The following CREB5 variants were observed in gnomAD, a reference collection of about 807,000 sequenced individuals.
CREB5 encodes the protein cyclic AMP-responsive element-binding protein 5.
CREB5 carries 19 observed loss-of-function variants against 57.1 expected under a neutral mutation model. That is an observed-to-expected ratio of 0.33 (90% CI 0.23 to 0.49). The LOEUF is 0.49. Ranked by LOEUF, CREB5 falls within the 20% of genes least tolerant of loss-of-function variation. The pLI is 0.99. For missense variants in CREB5, 579 were observed against 671.6 expected (o/e 0.86, Z 1.52); for synonymous variants, 238 against 238.3 (o/e 1.00, Z 0.01).
chr7:28,791,657 T>C (rs1371824245), intron 7 of CREB5, among the ~76,000 whole-genome samples: 1 of 152,232 alleles, frequency 6.6e-6, no homozygotes. Context: ...TGGTGAGCAG[T>C]TGCTTAAAAG....
intron 5 of CREB5, among the ~76,000 whole-genome samples, chr7:28,603,048 C>T (rs112360489): frequency 2.3e-4 from 35 of 152,266 alleles, no homozygotes; most frequent in Non-Finnish European, 4.3e-4. Context: ...TAAAAAGTTA[C>T]AAGAATTAAG....
intron 5 of CREB5, among the ~76,000 whole-genome samples, chr7:28,717,788 GTTTGT>G (rs534165718): frequency 6.6e-6 from 1 of 152,196 alleles, no homozygotes; most frequent in East Asian, 1.9e-4. Flanking sequence ...GTTTTTGTTT[GTTTGT>G]TTTGTTTTGT....
intron 7 of CREB5, among the ~76,000 whole-genome samples, chr7:28,761,049 C>T (rs1212094788): frequency 1.3e-5 from 2 of 152,102 alleles, no homozygotes; most frequent in African/African-American, 2.4e-5. Context: ...GCGCTTCCTC[C>T]GGCTATCCAC....
intron 4 of CREB5, among the ~76,000 whole-genome samples, chr7:28,526,753 C>T (rs1793465069): frequency 6.6e-6 from 1 of 152,208 alleles, no homozygotes; most frequent in African/African-American, 2.4e-5. Flanking sequence ...AAAAGAGGTG[C>T]TGCCTGCCTG....
At chr7:28,727,279 G>A (rs1285569555) in intron 7 of CREB5, among the ~76,000 whole-genome samples, 1 of 151,974 alleles carries the variant, frequency 6.6e-6, no homozygotes, top group East Asian at 1.9e-4. Context: ...TTCCTTTTGG[G>A]GGTCAGAGCA....
intron 1 of CREB5, among the ~76,000 whole-genome samples, chr7:28,352,361 C>T (rs144781039): frequency 0.018 from 2,740 of 152,266 alleles, 38 homozygotes; most frequent in Non-Finnish European, 0.028. Context: ...TCCTGCACTG[C>T]GCACCTCTGC....
At chr7:28,747,308 T>C (rs909414299) in intron 7 of CREB5, among the ~76,000 whole-genome samples, 1 of 152,208 alleles carries the variant, frequency 6.6e-6, no homozygotes, top group Admixed American at 6.5e-5. Context: ...TTAAATCTTC[T>C]CAGCATCATC....
chr7:28,491,307 G>T lies in CREB5; in HGVS notation c.75+3061G>T, dbSNP rs1292590478. On this transcript the variant is annotated intron_variant, in intron 2 of 10. Coordinates refer to ENST00000357727, the MANE Select transcript of CREB5 (RefSeq NM_182898.4). ...ACGGCTAATCCCCAGAAGATAAAGG[G>T]TGTAGACAAACCTGGGGAGGAGTGG... is the stretch of plus-strand genomic sequence containing the variant. The T allele has an allele frequency of 1.2e-5, 12 of 964,048 alleles. 1 individual carries two copies. The Admixed American group carries it at 6.8e-4, about 54-fold the overall frequency. The allele number at this position is 964,048 out of a possible 1,614,324, so 59.7% of individuals were successfully genotyped here.
chr7:28,311,414 C>T (rs1785274054), intron 1 of CREB5, among the ~76,000 whole-genome samples: 1 of 152,174 alleles, frequency 6.6e-6, no homozygotes, highest in South Asian at 2.1e-4. Context: ...CAGTTAAAAC[C>T]CTGGGCAGTG....
intron 5 of CREB5, among the ~76,000 whole-genome samples, chr7:28,607,802 T>C (rs559049754): frequency 1.4e-5 from 2 of 145,756 alleles, no homozygotes; most frequent in African/African-American, 5.0e-5. Flanking sequence ...TGTTTTACCA[T>C]GTGCATACTT....
At position 28,486,670 on chromosome 7, in the gene CREB5, T is replaced by TTAAATATATATATATATATA. The variant is rs1554331892; in HGVS notation, c.4-1503_4-1502insAATATATATATATATATATA. ...AACTAAACGTGTATCTCCTATGATT[T>TTAAATATATATATATATATA]TATATATATATATATATATATATGT... is the stretch of plus-strand genomic sequence containing the variant. On this transcript the variant is annotated intron_variant, in intron 1 of 10. Transcript: ENST00000357727. Among the ~76,000 whole-genome samples the TTAAATATATATATATATATA allele has an allele frequency of 4.2e-4, 37 of 89,142 alleles. 1 individual carries two copies. Among genetic ancestry groups the TTAAATATATATATATATATA allele is most frequent in the African/African-American group, 1.4e-3 (33 of 23,460 alleles). The allele number at this position is 89,142 out of a possible 152,430, so 58.5% of individuals were successfully genotyped here.
At chr7:28,815,671 A>G (rs1809395092) in intron 9 of CREB5, among the ~76,000 whole-genome samples, 1 of 152,206 alleles carries the variant, frequency 6.6e-6, no homozygotes. Context: ...GGAAGGGGCA[A>G]TGAACACTTT....
At chr7:28,818,676 T>C (rs1406105830) in intron 10 of CREB5, 2 of 445,040 alleles carry the variant, frequency 4.5e-6, no homozygotes, top group African/African-American at 2.0e-5. Context: ...GGAATGCCAG[T>C]TGGTTAAATG....
chr7:28,361,116 TA>T (rs200762601), intron 1 of CREB5, among the ~76,000 whole-genome samples: 14 of 151,440 alleles, frequency 9.2e-5, no homozygotes, highest in African/African-American at 1.9e-4. Context: ...AAACCTCAGC[TA>T]AAAAAAAACT....
At chr7:28,781,417 G>C (rs1162428763) in intron 7 of CREB5, among the ~76,000 whole-genome samples, 1 of 152,158 alleles carries the variant, frequency 6.6e-6, no homozygotes, top group Non-Finnish European at 1.5e-5. Flanking sequence ...TGAATGAAAT[G>C]ATCTGGCAAT....
At position 28,425,289 on chromosome 7, in the gene CREB5, C is replaced by T. The variant is rs1023310268; in HGVS notation, c.3+12372C>T. Reference sequence around the variant, plus strand: ...GTAAAAAAAAAACTACTGAAATATACTATAACATGAATGAACCTTGAAAAC... The same window carrying T: ...GTAAAAAAAAAACTACTGAAATATATTATAACATGAATGAACCTTGAAAAC... On this transcript the variant is annotated intron_variant, in intron 1 of 10. Coordinates refer to ENST00000357727, the MANE Select transcript of CREB5 (RefSeq NM_182898.4). 3.3e-5 allele frequency among the ~76,000 whole-genome samples: 5 copies of T among 151,952 alleles called. No individual in the cohort carries two copies. The East Asian group carries it at 5.8e-4, about 18-fold the overall frequency.
chr7:28,725,384 C>G (rs913171242), intron 7 of CREB5, among the ~76,000 whole-genome samples: 2 of 152,246 alleles, frequency 1.3e-5, no homozygotes, highest in Non-Finnish European at 2.9e-5. Context: ...CTTCTTGACC[C>G]GAGGAATCAA....
At chr7:28,611,361 C>T (rs1013078333) in intron 5 of CREB5, among the ~76,000 whole-genome samples, 3 of 151,402 alleles carry the variant, frequency 2.0e-5, no homozygotes, top group African/African-American at 7.3e-5. Flanking sequence ...GATACATATG[C>T]CAGGTAGAGG....
intron 5 of CREB5, among the ~76,000 whole-genome samples, chr7:28,577,592 G>C (rs746896123): frequency 7.2e-5 from 11 of 152,164 alleles, no homozygotes; most frequent in Non-Finnish European, 1.5e-4. Context: ...GAGATTAAGT[G>C]ACTTGCCCCA....
Sources: gnomAD v4.1 joint callset for allele counts (sites outside exome capture counted in the v4.1 genomes callset) on GRCh38, gnomAD v4.1.1 for gene constraint, MANE v1.5 for transcripts, NCBI Gene and HGNC (gene_info 2026-07-23, HGNC 2026-07-21) for gene names.